SERPINB5: variants seen among roughly 807,000 people sequenced by gnomAD.
SERPINB5 encodes the protein serpin B5.
In SERPINB5, 27 loss-of-function variants were observed where a neutral mutation model predicts 32.2. That is an observed-to-expected ratio of 0.84 (90% CI 0.62 to 1.16). The LOEUF (loss-of-function observed/expected upper bound fraction) is 1.16, where lower values mean the gene tolerates loss of function less well. Among genes scored for constraint, SERPINB5 ranks in the 50% most tolerant of loss-of-function variants. SERPINB5 has a pLI of 0.00. For missense variants in SERPINB5, 388 were observed against 436.3 expected, an observed-to-expected ratio of 0.89 and a Z score of 0.99; for synonymous variants, 154 against 157.4, an observed-to-expected ratio of 0.98 and a Z score of 0.16.
At chr18:63,482,798 T>C (rs1448116413) in intron 1 of SERPINB5, among the ~76,000 whole-genome samples, 1 of 151,362 alleles carries the variant, frequency 6.6e-6, no homozygotes, top group Non-Finnish European at 1.5e-5. Flanking sequence ...CAGACACATT[T>C]TGAAATGTTC....
intron 6 of SERPINB5, among the ~76,000 whole-genome samples, chr18:63,501,367 A>G (rs1411812796): frequency 1.3e-5 from 2 of 152,156 alleles, no homozygotes; most frequent in African/African-American, 4.8e-5. Flanking sequence ...TACAAAGGAC[A>G]CGAACTCATC....
intron 1 of SERPINB5, among the ~76,000 whole-genome samples, chr18:63,481,705 CA>C (rs1432342988): frequency 2.0e-5 from 3 of 152,188 alleles, no homozygotes; most frequent in African/African-American, 4.8e-5. Context: ...AAAGTCTGTC[CA>C]CAGATTCCCC....
chr18:63,480,379 G>T (rs1254577183), intron 1 of SERPINB5, among the ~76,000 whole-genome samples: 2 of 152,136 alleles, frequency 1.3e-5, no homozygotes, highest in East Asian at 1.9e-4. Context: ...AGTTCTCCTT[G>T]TTAAAATGGT....
chr18:63,497,537 C>A, intron 5 of SERPINB5: 2 of 415,282 alleles, frequency 4.8e-6, no homozygotes, highest in Non-Finnish European at 4.4e-6. Context: ...CAGTGGAGCT[C>A]AAAGGGACTT....
rs1909495355 is a variant in SERPINB5, at chr18:63,498,393, A to G, written c.568-727A>G. On this transcript the variant is annotated intron_variant, in intron 5 of 6. Transcript: ENST00000382771. This position sits in a 1 kb window ranked among gnomAD's most constrained non-coding sequence, Gnocchi z 4.2. ...GCCCAGCCAGTTTTTGAAATTAGGCATTTTATTAGGAAAAGCCGTATAAAT... is the reference window on the plus strand; with the variant it reads ...GCCCAGCCAGTTTTTGAAATTAGGCGTTTTATTAGGAAAAGCCGTATAAAT... 6.6e-6 allele frequency among the ~76,000 whole-genome samples: 1 copy of G among 152,154 alleles called. No homozygotes were observed. Among genetic ancestry groups the G allele is most frequent in the African/African-American group, 2.4e-5 (1 of 41,424 alleles).
chr18:63,498,510 C>T lies in SERPINB5; in HGVS notation c.568-610C>T, dbSNP rs745492795. ...ATAGGCATCTGTAAAGAATAACAAA[C>T]GTTGCCTATATTTACAGCCATACAG... is the stretch of plus-strand genomic sequence containing the variant. On this transcript the variant is annotated intron_variant, in intron 5 of 6. Transcript: ENST00000382771. This position sits in a 1 kb window ranked among gnomAD's most constrained non-coding sequence, Gnocchi z 4.2. 2.6e-4 allele frequency among the ~76,000 whole-genome samples: 40 copies of T among 152,170 alleles called. No individual in the cohort carries two copies. Among genetic ancestry groups the T allele is most frequent in the Non-Finnish European group, 4.1e-4 (28 of 68,032 alleles).
Position 63,484,557 on chromosome 18 carries a change from A to G in SERPINB5, c.129A>G (p.Gln43=). 1 of 1,614,106 alleles carries G rather than the reference A, an allele frequency of 6.2e-7. No individual in the cohort carries two copies. The change falls in exon 2 of 7, where the codon CAA becomes CAG. Residue 43 remains glutamine, a synonymous_variant. Transcript: ENST00000382771. ...TCTCCACCTCTCTGTCACTTGCTCAAGTGGGTGCTAAAGGTGACACTGCAA... is the reference window on the plus strand; with the variant it reads ...TCTCCACCTCTCTGTCACTTGCTCAGGTGGGTGCTAAAGGTGACACTGCAA... ...ICLSTSLSLA[Q]VGAKGDTANE... is the part of the protein sequence containing the mutation.
intron 3 of SERPINB5, 64 bp from the exon 4 acceptor site, chr18:63,489,283 G>A (rs755591598): frequency 9.1e-5 from 82 of 903,844 alleles, no homozygotes; most frequent in Non-Finnish European, 1.4e-4. Context: ...CCTTTTGTTA[G>A]AAGAGAATAA....
intron 1 of SERPINB5, among the ~76,000 whole-genome samples, chr18:63,477,538 G>A (rs1917054904): frequency 6.6e-6 from 1 of 152,122 alleles, no homozygotes; most frequent in African/African-American, 2.4e-5. Context: ...TAGGCATATG[G>A]ACTGCCCTTC....
intron 4 of SERPINB5, chr18:63,490,474 G>A (rs1188632861): frequency 1.3e-5 from 2 of 152,136 alleles, no homozygotes; most frequent in Non-Finnish European, 2.9e-5. Context: ...ATTTATAATT[G>A]CATCTGGAGG....
At chr18:63,488,191 G>T (rs1599389133) in intron 3 of SERPINB5, among the ~76,000 whole-genome samples, 1 of 152,280 alleles carries the variant, frequency 6.6e-6, no homozygotes, top group Non-Finnish European at 1.5e-5. Flanking sequence ...GATTGGTTCT[G>T]TCAGTCAATG....
chr18:63,484,658 G>A, intron 2 of SERPINB5, 62 bp downstream of exon 2: 1 of 1,430,178 alleles, frequency 7.0e-7, no homozygotes, highest in Non-Finnish European at 9.4e-7. Context: ...CCCATAGGCA[G>A]TGCCTACGGA....
In SERPINB5 at chr18:63,494,905, G is replaced by A. The variant is rs141170038; in HGVS notation, c.567+1810G>A. On this transcript the variant is annotated intron_variant, in intron 5 of 6. Coordinates refer to ENST00000382771, the MANE Select transcript of SERPINB5 (RefSeq NM_002639.5). ...TCCCTAACACATCAGTAGGTGCTCA[G>A]CAAATTTGCTGAATGAATGATCAGT... Among the ~76,000 whole-genome samples the A allele has an allele frequency of 7.0e-4, 107 of 152,334 alleles. 2 individuals carry two copies. In the East Asian group the frequency reaches 0.018, roughly 25 times the overall value.
intron 6 of SERPINB5, among the ~76,000 whole-genome samples, chr18:63,499,607 A>G (rs1221732127): frequency 6.6e-6 from 1 of 152,204 alleles, no homozygotes; most frequent in Non-Finnish European, 1.5e-5. Context: ...GAGCTGAGGC[A>G]CAGAGGGGTG....
At position 63,504,738 on chromosome 18, in the gene SERPINB5, T is replaced by C. The variant is rs1266814056; in HGVS notation, c.*1016T>C. 2 of 152,186 alleles carry C rather than the reference T, an allele frequency of 1.3e-5. No homozygotes were observed. Among genetic ancestry groups the C allele is most frequent in the Non-Finnish European group, 2.9e-5 (2 of 68,020 alleles). The allele number at this position is 152,186 out of a possible 1,614,324, so 9.4% of individuals were successfully genotyped here. A position where few individuals can be genotyped will look rare whatever the true frequency, so the allele number is the denominator to read the frequency against. On this transcript the variant is annotated 3_prime_UTR_variant, in exon 7 of 7. Coordinates refer to ENST00000382771, the MANE Select transcript of SERPINB5 (RefSeq NM_002639.5). ...AAGGAACTTGTCTCTTCATCTAATA[T>C]GATAGCGGGAAAAGGAGAGGAAACT...
intron 5 of SERPINB5, among the ~76,000 whole-genome samples, chr18:63,494,167 C>T (rs1385720548): frequency 6.6e-6 from 1 of 151,536 alleles, no homozygotes; most frequent in Admixed American, 6.6e-5. Context: ...ACTAAAAATA[C>T]AAAAATTAGC....
intron 5 of SERPINB5, 105 bp downstream of exon 5, chr18:63,493,200 A>T (rs769388112): frequency 1.3e-6 from 2 of 1,496,222 alleles, no homozygotes; most frequent in Non-Finnish European, 9.2e-7. Flanking sequence ...ACCTGAGGGC[A>T]CGGCCGGCAA....
intron 5 of SERPINB5, chr18:63,497,177 T>C (rs1909464839): frequency 1.0e-5 from 7 of 667,476 alleles, no homozygotes; most frequent in Non-Finnish European, 1.7e-5. Context: ...TCCTGGGACA[T>C]TGACACCGCA....
At chr18:63,493,945 G>T (rs1356266217) in intron 5 of SERPINB5, among the ~76,000 whole-genome samples, 1 of 152,166 alleles carries the variant, frequency 6.6e-6, no homozygotes, top group African/African-American at 2.4e-5. Flanking sequence ...CTTACTCATT[G>T]ACATCACTGG....
Sources: allele counts gnomAD v4.1 joint callset (sites outside exome capture counted in the v4.1 genomes callset), GRCh38; gene constraint gnomAD v4.1.1; non-coding constraint Gnocchi (gnomAD v3.1); transcripts MANE v1.5; gene names NCBI Gene and HGNC (gene_info 2026-07-23, HGNC 2026-07-21).